Variants in PCDH7 observed in about 807,000 individuals in gnomAD.
PCDH7 encodes protocadherin 7.
PCDH7 carries 17 observed loss-of-function variants against 58.9 expected under a neutral mutation model. That is an observed-to-expected ratio of 0.29 (90% CI 0.20 to 0.43). The LOEUF is 0.43. PCDH7 is among the 20% of genes least tolerant of loss of function. The pLI is 1.00. For synonymous variants in PCDH7, 664 were observed against 616.4 expected (o/e 1.08, Z -1.14); for missense variants, 1,274 against 1,441.0 (o/e 0.88, Z 1.88).
At chr4:30,985,266 C>T (rs1750874529) in intron 3 of PCDH7, among the ~76,000 whole-genome samples, 1 of 152,110 alleles carries the variant, frequency 6.6e-6, no homozygotes, top group Non-Finnish European at 1.5e-5. Context: ...CCTTATATTT[C>T]ATCATGCTTA....
At chr4:30,853,340 A>G (rs1733027672) in intron 1 of PCDH7, among the ~76,000 whole-genome samples, 1 of 152,060 alleles carries the variant, frequency 6.6e-6, no homozygotes, top group South Asian at 2.1e-4. Flanking sequence ...TGCGGTGAGT[A>G]TTAGATATTT....
At chr4:31,122,420 G>C (rs1403108301) in intron 3 of PCDH7, among the ~76,000 whole-genome samples, 1 of 152,130 alleles carries the variant, frequency 6.6e-6, no homozygotes, top group Non-Finnish European at 1.5e-5. Context: ...GTCTTCTCAA[G>C]ATATTTGTTT....
intron 3 of PCDH7, among the ~76,000 whole-genome samples, chr4:31,055,623 C>A (rs898451134): frequency 6.6e-6 from 1 of 152,046 alleles, no homozygotes; most frequent in Non-Finnish European, 1.5e-5. Context: ...GTTGCCCAGG[C>A]TGGAGTGCAG....
chr4:30,763,826 T>C (rs548765303), intron 1 of PCDH7, among the ~76,000 whole-genome samples: 1 of 152,304 alleles, frequency 6.6e-6, no homozygotes, highest in African/African-American at 2.4e-5. Flanking sequence ...CTTACTTGCA[T>C]TTTGATATAT....
chr4:31,133,547 C>T (rs1463294807), intron 3 of PCDH7, among the ~76,000 whole-genome samples: 1 of 152,142 alleles, frequency 6.6e-6, no homozygotes, highest in Admixed American at 6.5e-5. Flanking sequence ...TTATCTATAT[C>T]AGTGAATCAT....
intron 1 of PCDH7, among the ~76,000 whole-genome samples, chr4:30,839,197 A>C (rs886550164): frequency 1.3e-5 from 2 of 152,012 alleles, no homozygotes; most frequent in Non-Finnish European, 2.9e-5. Context: ...ATATGTGTGT[A>C]CATAACCAAT....
intron 1 of PCDH7, among the ~76,000 whole-genome samples, chr4:30,833,507 C>G (rs73213201): frequency 0.034 from 5,239 of 152,206 alleles, 213 homozygotes; most frequent in African/African-American, 0.097. Flanking sequence ...CCAAGATAAT[C>G]TTCTATTTTA....
At chr4:31,093,331 A>G (rs1376149886) in intron 3 of PCDH7, among the ~76,000 whole-genome samples, 3 of 152,166 alleles carry the variant, frequency 2.0e-5, no homozygotes, top group African/African-American at 7.2e-5. Flanking sequence ...TGCTGTAAGC[A>G]GTAGTCAAAA....
chr4:30,743,496 TG>T (rs1313412413), intron 1 of PCDH7, among the ~76,000 whole-genome samples: 1 of 150,688 alleles, frequency 6.6e-6, no homozygotes, highest in Non-Finnish European at 1.5e-5. Flanking sequence ...AAAAAAAAAC[TG>T]GGTGGGGGAG....
intron 3 of PCDH7, among the ~76,000 whole-genome samples, chr4:31,072,567 G>A (rs768343945): frequency 3.9e-5 from 6 of 152,112 alleles, no homozygotes; most frequent in African/African-American, 1.2e-4. Flanking sequence ...ATTGGAAGAT[G>A]TGTAAGATCA....
chr4:30,949,557 T>G (rs1747118362), intron 2 of PCDH7, among the ~76,000 whole-genome samples: 2 of 152,096 alleles, frequency 1.3e-5, no homozygotes, highest in South Asian at 4.1e-4. Flanking sequence ...TTTAAAAACT[T>G]TTATTAGTTT....
chr4:30,787,036 G>A (rs1215502481), intron 1 of PCDH7, among the ~76,000 whole-genome samples: 1 of 152,080 alleles, frequency 6.6e-6, no homozygotes, highest in Non-Finnish European at 1.5e-5. Context: ...AAGGAGGGAT[G>A]TGAGAGAGGT....
intron 2 of PCDH7, among the ~76,000 whole-genome samples, chr4:30,928,122 T>G (rs1453537790): frequency 6.6e-6 from 1 of 152,118 alleles, no homozygotes; most frequent in Admixed American, 6.5e-5. Context: ...ATTACAGTCA[T>G]GCACCTGTTC....
At chr4:30,886,885 A>G (rs1327289733) in intron 1 of PCDH7, among the ~76,000 whole-genome samples, 1 of 147,036 alleles carries the variant, frequency 6.8e-6, no homozygotes, top group Non-Finnish European at 1.5e-5. Flanking sequence ...AAAAAACCAA[A>G]CACTGCATAT....
At chr4:31,050,598 A>G (rs943494238) in intron 3 of PCDH7, among the ~76,000 whole-genome samples, 2 of 152,124 alleles carry the variant, frequency 1.3e-5, no homozygotes, top group African/African-American at 4.8e-5. Flanking sequence ...TAATGACAAT[A>G]ATGTGATGTA....
At chr4:30,944,644 C>T (rs546126798) in intron 2 of PCDH7, among the ~76,000 whole-genome samples, 5 of 152,148 alleles carry the variant, frequency 3.3e-5, no homozygotes, top group South Asian at 2.1e-4. Context: ...TTAGGTTTTC[C>T]GTTATTTTAC....
At chr4:31,010,124 G>A (rs769307373) in intron 3 of PCDH7, among the ~76,000 whole-genome samples, 25 of 152,040 alleles carry the variant, frequency 1.6e-4, no homozygotes, top group Middle Eastern at 3.4e-3. Context: ...TGAGAAAAAT[G>A]TATTGAGAGC....
chr4:31,030,332 C>T (rs749019188), intron 3 of PCDH7, among the ~76,000 whole-genome samples: 1 of 152,124 alleles, frequency 6.6e-6, no homozygotes, highest in Non-Finnish European at 1.5e-5. Context: ...TATTCTTCCT[C>T]ACAAATAATG....
intron 3 of PCDH7, among the ~76,000 whole-genome samples, chr4:31,123,058 T>C (rs1717879750): frequency 6.6e-6 from 1 of 152,066 alleles, no homozygotes; most frequent in Admixed American, 6.6e-5. Context: ...ATTTTAATAT[T>C]TGTTAATTTT....
Sources: allele counts gnomAD v4.1 joint callset (sites outside exome capture counted in the v4.1 genomes callset), GRCh38; gene constraint gnomAD v4.1.1; transcripts MANE v1.5; gene names NCBI Gene and HGNC (gene_info 2026-07-23, HGNC 2026-07-21).